Variants in CWC27 observed in about 807,000 individuals in gnomAD.
CWC27 encodes spliceosome-associated protein CWC27 homolog.
In CWC27, 47 loss-of-function variants were observed where a neutral mutation model predicts 63.6. The ratio of observed to expected loss-of-function variants is 0.74; its 90% CI spans 0.58 to 0.94. The LOEUF is 0.94. Among genes scored for constraint, CWC27 ranks in the 40% least tolerant of loss-of-function variants. The pLI, the probability that CWC27 is intolerant of heterozygous loss-of-function variation, is 0.00. For missense variants in CWC27, 495 were observed against 554.3 expected (o/e 0.89, Z 1.07); for synonymous variants, 175 against 179.8 (o/e 0.97, Z 0.22).
intron 3 of CWC27, among the ~76,000 whole-genome samples, chr5:64,782,447 C>CAAATAAATAAATAAAT (rs67366377): frequency 0.26 from 36,235 of 139,468 alleles, 4,976 homozygotes; most frequent in Admixed American, 0.34. Context: ...GACTCCGTCT[C>CAAATAAATAAATAAAT]AAATAAATAA....
intron 10 of CWC27, among the ~76,000 whole-genome samples, chr5:64,843,222 CT>C (rs1745891265): frequency 1.3e-5 from 2 of 152,142 alleles, no homozygotes; most frequent in East Asian, 3.8e-4. Context: ...CTGAGATTTT[CT>C]AAGATTTTAA....
intron 11 of CWC27, among the ~76,000 whole-genome samples, chr5:64,902,822 A>C (rs1373047123): frequency 6.6e-6 from 1 of 152,214 alleles, no homozygotes; most frequent in East Asian, 1.9e-4. Flanking sequence ...TTGACATCTT[A>C]CTACTATTGG....
intron 2 of CWC27, 114 bp from the exon 3 acceptor site, chr5:64,781,807 G>T: frequency 2.0e-6 from 1 of 488,474 alleles, no homozygotes; most frequent in Non-Finnish European, 3.6e-6. Context: ...TTTGGCTGGG[G>T]AGCGTATTTA....
Position 64,977,242 on chromosome 5 carries a change from A to C in CWC27, c.1256+4A>C, listed in dbSNP as rs1415296299. ...AAGTAGAAGATGATGAAGGATGGTA[A>C]GGGCTTTGATTTCTGTATATTAACC... is the stretch of plus-strand genomic sequence containing the variant. On this transcript the variant is annotated splice_donor_region_variant and intron_variant, in intron 13 of 13. Transcript: ENST00000381070. 1 of 1,591,176 alleles carries C rather than the reference A, an allele frequency of 6.3e-7. No individual in the cohort carries two copies. Among genetic ancestry groups the C allele is most frequent in the Admixed American group, 1.7e-5 (1 of 59,700 alleles).
chr5:64,998,612 C>A (rs563824266), intron 13 of CWC27, among the ~76,000 whole-genome samples: 1 of 152,124 alleles, frequency 6.6e-6, no homozygotes, highest in East Asian at 1.9e-4. Flanking sequence ...GTTAGCCTTT[C>A]AAAACTCCAA....
chr5:64,892,278 A>G (rs1041209183), intron 11 of CWC27, among the ~76,000 whole-genome samples: 1 of 152,304 alleles, frequency 6.6e-6, no homozygotes, highest in Admixed American at 6.5e-5. Flanking sequence ...TATTACTAAT[A>G]TCTGTGTCAT....
At chr5:64,942,739 G>A (rs1454437490) in intron 11 of CWC27, among the ~76,000 whole-genome samples, 1 of 152,166 alleles carries the variant, frequency 6.6e-6, no homozygotes, top group South Asian at 2.1e-4. Context: ...TTGTTCTGCT[G>A]CTACTTACTC....
chr5:64,985,380 A>G (rs1265447493), intron 13 of CWC27, among the ~76,000 whole-genome samples: 1 of 152,108 alleles, frequency 6.6e-6, no homozygotes, highest in Non-Finnish European at 1.5e-5. Flanking sequence ...CATCTTTACT[A>G]TGTTGAGTTT....
At chr5:64,981,655 T>A (rs949300469) in intron 13 of CWC27, among the ~76,000 whole-genome samples, 1 of 152,184 alleles carries the variant, frequency 6.6e-6, no homozygotes, top group African/African-American at 2.4e-5. Context: ...TACTCCAAAG[T>A]AAATACTTGT....
At chr5:64,806,251 T>C (rs959109525) in intron 10 of CWC27, among the ~76,000 whole-genome samples, 1 of 152,206 alleles carries the variant, frequency 6.6e-6, no homozygotes, top group African/African-American at 2.4e-5. Context: ...GAAAAAGTTA[T>C]ATTCAAGTGC....
Position 64,919,564 on chromosome 5 carries a change from G to A in CWC27, c.1042+34018G>A, listed in dbSNP as rs1379780396. Among the ~76,000 whole-genome samples, 3 of 152,132 alleles carry A rather than the reference G, an allele frequency of 2.0e-5. No homozygotes were observed. The East Asian group carries it at 5.8e-4, about 29-fold the overall frequency. On this transcript the variant is annotated intron_variant, in intron 11 of 13. Transcript: ENST00000381070. Reference sequence around the variant, plus strand: ...ATTGTTCTCGTCTTTGTGGCCATGTGTATTCAGTGTCTATCTTCCACTTAT... The same window carrying A: ...ATTGTTCTCGTCTTTGTGGCCATGTATATTCAGTGTCTATCTTCCACTTAT...
intron 11 of CWC27, among the ~76,000 whole-genome samples, chr5:64,971,167 T>A (rs1200059673): frequency 6.6e-6 from 1 of 152,232 alleles, no homozygotes; most frequent in Non-Finnish European, 1.5e-5. Flanking sequence ...AGATTTGTTT[T>A]CTAATTTCTA....
chr5:64,944,251 C>T (rs139026376), intron 11 of CWC27, among the ~76,000 whole-genome samples: 1 of 151,646 alleles, frequency 6.6e-6, no homozygotes, highest in East Asian at 1.9e-4. Context: ...GCTTCCTTTT[C>T]TAGAAAAAAA....
Position 64,960,813 on chromosome 5 carries a change from A to T in CWC27, c.1043-10890A>T, listed in dbSNP as rs187283451. ...TTTTTTTTTAAGAGATTGTCTCGCTATGTTGTTCAGGCTGGCTTTGAACTC... is the reference window on the plus strand; with the variant it reads ...TTTTTTTTTAAGAGATTGTCTCGCTTTGTTGTTCAGGCTGGCTTTGAACTC... On this transcript the variant is annotated intron_variant, in intron 11 of 13. Transcript: ENST00000381070. Among the ~76,000 whole-genome samples the T allele has an allele frequency of 4.1e-3, 618 of 151,764 alleles. 2 individuals are homozygous for T. Among genetic ancestry groups the T allele is most frequent in the Non-Finnish European group, 6.6e-3 (446 of 67,950 alleles).
At chr5:64,902,999 T>A (rs1416034715) in intron 11 of CWC27, among the ~76,000 whole-genome samples, 1 of 152,168 alleles carries the variant, frequency 6.6e-6, no homozygotes, top group Admixed American at 6.6e-5. Flanking sequence ...TTGTCTTTCG[T>A]AATTGATAGA....
chr5:64,778,755 G>A, intron 2 of CWC27, among the ~76,000 whole-genome samples: 1 of 152,100 alleles, frequency 6.6e-6, no homozygotes. Flanking sequence ...TAGGAATATA[G>A]GAGAGATACT....
chr5:64,954,592 A>G (rs905664778), intron 11 of CWC27, among the ~76,000 whole-genome samples: 1 of 146,000 alleles, frequency 6.8e-6, no homozygotes, highest in Admixed American at 6.8e-5. Flanking sequence ...GCCCCCTATT[A>G]TATTTAAGTG....
chr5:64,876,037 C>T (rs940612632), intron 10 of CWC27, among the ~76,000 whole-genome samples: 6 of 152,018 alleles, frequency 3.9e-5, no homozygotes, highest in Non-Finnish European at 8.8e-5. Flanking sequence ...TTGTCCAATG[C>T]GGTACTGCTA....
chr5:64,924,869 CTAA>C (rs1395842666), intron 11 of CWC27, among the ~76,000 whole-genome samples: 1 of 151,904 alleles, frequency 6.6e-6, no homozygotes, highest in East Asian at 1.9e-4. Flanking sequence ...TAGCATAGTG[CTAA>C]TGAGTGGTAG....
Sources: allele counts gnomAD v4.1 joint callset (sites outside exome capture counted in the v4.1 genomes callset), GRCh38; gene constraint gnomAD v4.1.1; transcripts MANE v1.5; gene names NCBI Gene and HGNC (gene_info 2026-07-23, HGNC 2026-07-21).